The following SDHAF3 variants were observed in gnomAD, a reference collection of about 807,000 sequenced individuals.
The protein encoded by SDHAF3 is succinate dehydrogenase complex assembly factor 3.
A neutral mutation model predicts 11.5 loss-of-function variants in SDHAF3; 18 were observed. That is an observed-to-expected ratio of 1.56 (90% confidence interval 1.08 to 2.32). The LOEUF (loss-of-function observed/expected upper bound fraction) is 2.32. Among genes scored for constraint, SDHAF3 ranks in the 30% most tolerant of loss-of-function variants. The probability of loss-of-function intolerance (pLI) is 0.00; values close to 1 mark genes in which losing one functional copy is unlikely to be tolerated. For synonymous variants in SDHAF3, 72 were observed against 59.3 expected (o/e 1.21, Z -0.99); for missense variants, 200 against 154.4 (o/e 1.30, Z -1.57).
Position 97,117,750 on chromosome 7 carries a change from C to G in SDHAF3, c.27C>G (p.Val9=). 6.2e-7 allele frequency: 1 copy of G among 1,613,904 alleles called. No individual in the cohort carries two copies. The highest frequency in any genetic ancestry group is 8.5e-7 in the Non-Finnish European group (1 of 1,179,886). The part of the protein sequence containing the change: MPGRHVSR[V]RALYKRVLQL... ...TGCCGGGGCGGCACGTTTCTCGAGT[C>G]CGGGCATTGTACAAGCGCGTCTTGC... Residue 9 remains valine (V), a synonymous_variant, in exon 1 of 2, where the codon GTC becomes GTG. Transcript: ENST00000432641.
intron 1 of SDHAF3, among the ~76,000 whole-genome samples, chr7:97,121,464 C>G (rs1320828698): frequency 1.3e-5 from 2 of 152,092 alleles, no homozygotes; most frequent in African/African-American, 4.8e-5. Flanking sequence ...TTCTTAAGTA[C>G]CTGTTCTGTG....
At chr7:97,158,987 A>T (rs745603130) in intron 1 of SDHAF3, among the ~76,000 whole-genome samples, 34 of 152,212 alleles carry the variant, frequency 2.2e-4, no homozygotes, top group Non-Finnish European at 3.7e-4. Flanking sequence ...CAATGGTATA[A>T]GGAAAGTATA....
chr7:97,178,110 A>G (rs2115754614), intron 1 of SDHAF3, among the ~76,000 whole-genome samples: 1 of 152,294 alleles, frequency 6.6e-6, no homozygotes, highest in Middle Eastern at 3.4e-3. Context: ...CTTTCTGTCT[A>G]TGAATTTTCC....
Position 97,181,262 on chromosome 7 carries a change from A to T in SDHAF3, c.*47A>T, listed in dbSNP as rs371886442. On this transcript the variant is annotated 3_prime_UTR_variant, in exon 2 of 2. Coordinates refer to ENST00000432641, the MANE Select transcript of SDHAF3 (RefSeq NM_020186.3). ...AGACATGCAAAAATTTAGAACCCCT[A>T]CTTTAACTGTCATTGGTTTTTGAAA... is the stretch of plus-strand genomic sequence containing the variant. 2.8e-5 allele frequency: 38 copies of T among 1,372,376 alleles called. No homozygotes were observed. Among genetic ancestry groups the T allele is most frequent in the Admixed American group, 2.3e-4 (10 of 42,588 alleles). 85.0% of individuals were successfully genotyped at this position (1,372,376 alleles called of 1,614,324 possible). A position where few individuals can be genotyped will look rare whatever the true frequency, so the allele number is the denominator to read the frequency against.
At chr7:97,136,258 T>C (rs926278283) in intron 1 of SDHAF3, 3 of 457,900 alleles carry the variant, frequency 6.6e-6, no homozygotes, top group Admixed American at 3.7e-5. Context: ...AACATAACTT[T>C]TAGGTATATT....
At chr7:97,142,456 G>A (rs1436626354) in intron 1 of SDHAF3, among the ~76,000 whole-genome samples, 2 of 152,092 alleles carry the variant, frequency 1.3e-5, no homozygotes, top group Non-Finnish European at 2.9e-5. Context: ...CTTATTCCAA[G>A]CACTTTAATT....
chr7:97,164,379 G>A (rs1244342567), intron 1 of SDHAF3, among the ~76,000 whole-genome samples: 1 of 140,548 alleles, frequency 7.1e-6, no homozygotes, highest in South Asian at 2.4e-4. Flanking sequence ...TTGGTTCATA[G>A]TTCTTTTTTT....
rs554644510 is a variant in SDHAF3 at position 97,138,373 on chromosome 7, G to A, written c.174+20476G>A. Among the ~76,000 whole-genome samples the A allele has an allele frequency of 5.3e-5, 8 of 152,224 alleles. No homozygotes were observed. In the South Asian group the frequency reaches 1.2e-3, roughly 24 times the overall value. ...AGACAGGGTTTCACCACGTTGGCCA[G>A]GCTGGTTTCGAACTCCTCACCTCAG... On this transcript the variant is annotated intron_variant, in intron 1 of 1. Coordinates refer to ENST00000432641, the MANE Select transcript of SDHAF3 (RefSeq NM_020186.3).
At chr7:97,148,123 A>AC (rs1237699433) in intron 1 of SDHAF3, among the ~76,000 whole-genome samples, 1 of 151,886 alleles carries the variant, frequency 6.6e-6, no homozygotes, top group Non-Finnish European at 1.5e-5. Flanking sequence ...CGAACTCCAG[A>AC]CCCCAAGTGA....
chr7:97,153,918 T>G (rs1789263582), intron 1 of SDHAF3, among the ~76,000 whole-genome samples: 1 of 152,244 alleles, frequency 6.6e-6, no homozygotes, highest in African/African-American at 2.4e-5. Context: ...ATTCATGTTT[T>G]CCTAATTGTC....
chr7:97,123,182 T>TC (rs1332896182), intron 1 of SDHAF3, among the ~76,000 whole-genome samples: 2 of 152,040 alleles, frequency 1.3e-5, no homozygotes, highest in Non-Finnish European at 2.9e-5. Context: ...TATGTGATGT[T>TC]CCCCTCCCTG....
intron 1 of SDHAF3, among the ~76,000 whole-genome samples, chr7:97,139,107 C>T (rs1032314556): frequency 5.3e-5 from 8 of 152,238 alleles, no homozygotes; most frequent in African/African-American, 9.6e-5. Context: ...TGCCCGGTGC[C>T]GGCAGAAGGC....
chr7:97,147,577 T>C (rs1789155040), intron 1 of SDHAF3, among the ~76,000 whole-genome samples: 1 of 152,224 alleles, frequency 6.6e-6, no homozygotes, highest in South Asian at 2.1e-4. Context: ...AAAATCTATA[T>C]GATAGGCAGC....
intron 1 of SDHAF3, among the ~76,000 whole-genome samples, chr7:97,175,177 A>G (rs965157626): frequency 6.6e-5 from 10 of 152,176 alleles, no homozygotes; most frequent in Admixed American, 3.9e-4. Flanking sequence ...ATTCTTTAAA[A>G]ACATCTGTAT....
At chr7:97,159,904 T>C (rs1295471702) in intron 1 of SDHAF3, among the ~76,000 whole-genome samples, 2 of 152,238 alleles carry the variant, frequency 1.3e-5, no homozygotes, top group Non-Finnish European at 2.9e-5. Context: ...AGACCATTGG[T>C]GTTCTCTACT....
At position 97,117,852 on chromosome 7, in the gene SDHAF3, G is replaced by A; in HGVS notation, c.129G>A (p.Lys43=). ...TGAAAGACGAATTTAGGAGACATAA[G>A]ACCGTTGGTTCTGACGAGGCACAGC... is the stretch of plus-strand genomic sequence containing the variant. ...QYVKDEFRRH[K]TVGSDEAQRF... is the part of the protein sequence containing the mutation. Residue 43 remains lysine (K), a synonymous_variant, in exon 1 of 2, where the codon AAG becomes AAA. Transcript: ENST00000432641. 1 of 1,614,218 alleles carries A rather than the reference G, an allele frequency of 6.2e-7. No homozygotes were observed. The highest frequency in any genetic ancestry group is 8.5e-7 in the Non-Finnish European group (1 of 1,180,024).
intron 1 of SDHAF3, among the ~76,000 whole-genome samples, chr7:97,131,882 A>G (rs780960608): frequency 2.6e-5 from 4 of 152,192 alleles, no homozygotes; most frequent in Non-Finnish European, 5.9e-5. Context: ...TAGATATCCA[A>G]TGATAGAATA....
intron 1 of SDHAF3, among the ~76,000 whole-genome samples, chr7:97,161,382 G>A (rs988088664): frequency 1.3e-5 from 2 of 152,172 alleles, no homozygotes; most frequent in African/African-American, 4.8e-5. Flanking sequence ...CTGCTGTTTG[G>A]TTGGGATTAC....
At chr7:97,150,562 C>CTTTTTTTTT in intron 1 of SDHAF3, among the ~76,000 whole-genome samples, 1 of 104,746 alleles carries the variant, frequency 9.5e-6, no homozygotes, top group Non-Finnish European at 1.9e-5. Flanking sequence ...TCTTTTTTTC[C>CTTTTTTTTT]TTTTTTTTTT....
Sources: allele counts gnomAD v4.1 joint callset (sites outside exome capture counted in the v4.1 genomes callset), GRCh38; gene constraint gnomAD v4.1.1; transcripts MANE v1.5; gene names NCBI Gene and HGNC (gene_info 2026-07-23, HGNC 2026-07-21).